The following SORCS3 variants were observed in gnomAD, a reference collection of about 807,000 sequenced individuals.
The protein encoded by SORCS3 is sortilin related VPS10 domain containing receptor 3, also known as VPS10 domain-containing receptor SorCS3.
Under a neutral mutation model 146.3 loss-of-function variants are expected in SORCS3, and 57 were observed. The observed-to-expected ratio is 0.39, with a 90% CI of 0.31 to 0.49. The LOEUF is 0.49. Among genes scored for constraint, SORCS3 ranks in the 20% least tolerant of loss-of-function variants. The pLI is 0.92. For missense variants in SORCS3, 1,341 were observed against 1,575.5 expected, an observed-to-expected ratio of 0.85 and a Z score of 2.52; for synonymous variants, 653 against 618.5, an observed-to-expected ratio of 1.06 and a Z score of -0.83.
chr10:105,118,014 A>G (rs2055905211), intron 7 of SORCS3, among the ~76,000 whole-genome samples: 1 of 151,974 alleles, frequency 6.6e-6, no homozygotes, highest in South Asian at 2.1e-4. Context: ...CACTCTTTAA[A>G]TATGGGTTTT....
chr10:104,920,913 G>T (rs2019080463), intron 3 of SORCS3, among the ~76,000 whole-genome samples: 1 of 152,216 alleles, frequency 6.6e-6, no homozygotes, highest in African/African-American at 2.4e-5. Flanking sequence ...TGTATACCCG[G>T]TTGTTTGCCT....
At chr10:104,929,304 C>A (rs759780300) in intron 3 of SORCS3, among the ~76,000 whole-genome samples, 4 of 152,184 alleles carry the variant, frequency 2.6e-5, no homozygotes, top group African/African-American at 9.7e-5. Context: ...TTAAATGAGC[C>A]TCTCTTCGGC....
At chr10:104,711,603 G>A (rs539316535) in intron 1 of SORCS3, among the ~76,000 whole-genome samples, 8 of 152,216 alleles carry the variant, frequency 5.3e-5, no homozygotes, top group Non-Finnish European at 1.0e-4. Flanking sequence ...TGGGAGTGCA[G>A]GGAGGACCAG....
At chr10:104,847,153 C>T (rs998837132) in intron 2 of SORCS3, among the ~76,000 whole-genome samples, 5 of 152,124 alleles carry the variant, frequency 3.3e-5, no homozygotes, top group Admixed American at 6.6e-5. Flanking sequence ...CTCGTGGATG[C>T]GCGTGTGTCT....
rs189522447 is a variant in SORCS3, at chr10:104,830,667, G to A, written c.628-12125G>A. On this transcript the variant is annotated intron_variant, in intron 1 of 26. Transcript: ENST00000369701. ...CAGGAGAGTTTTAGAAATGTAATTT[G>A]CAGAGCCCTGGTTACCTGCCATACA... Among the ~76,000 whole-genome samples the A allele has an allele frequency of 5.7e-3, 866 of 152,300 alleles. 12 individuals are homozygous for A. Among genetic ancestry groups the A allele is most frequent in the African/African-American group, 0.016 (653 of 41,582 alleles).
In SORCS3 at chr10:104,873,080, G is replaced by A. The variant is rs143485020; in HGVS notation, c.695+30221G>A. Among the ~76,000 whole-genome samples the A allele has an allele frequency of 3.0e-3, 452 of 152,298 alleles. 4 individuals are homozygous for A. The highest frequency in any genetic ancestry group is 0.01 in the African/African-American group (429 of 41,564). On this transcript the variant is annotated intron_variant, in intron 2 of 26. Coordinates refer to ENST00000369701, the MANE Select transcript of SORCS3 (RefSeq NM_014978.3). ...AAGGAAAGATCCAGGAAGAATCTTT[G>A]CCCTTTCTGCAGCAGAGAGCTGGTC...
chr10:105,171,247 C>G (rs1241905891), intron 13 of SORCS3, among the ~76,000 whole-genome samples: 1 of 152,206 alleles, frequency 6.6e-6, no homozygotes, highest in Non-Finnish European at 1.5e-5. Context: ...GAACGCAAAA[C>G]AGCATACAAA....
intron 1 of SORCS3, among the ~76,000 whole-genome samples, chr10:104,743,922 ATCTT>A (rs544864920): frequency 8.7e-4 from 133 of 152,232 alleles, no homozygotes; most frequent in Admixed American, 1.5e-3. Flanking sequence ...GCCTCCCTAA[ATCTT>A]CATTCATTAA....
intron 1 of SORCS3, among the ~76,000 whole-genome samples, chr10:104,689,842 G>C (rs768669796): frequency 2.0e-5 from 3 of 152,114 alleles, no homozygotes; most frequent in African/African-American, 7.2e-5. Flanking sequence ...ATTCCAGCTC[G>C]GGATTTTCTG....
intron 4 of SORCS3, among the ~76,000 whole-genome samples, chr10:105,000,192 A>G (rs1287880546): frequency 1.3e-5 from 2 of 152,178 alleles, no homozygotes; most frequent in Non-Finnish European, 2.9e-5. Context: ...ACAGAGTGGG[A>G]ATAGAAACTA....
intron 20 of SORCS3, among the ~76,000 whole-genome samples, chr10:105,238,383 C>T (rs566576002): frequency 6.6e-6 from 1 of 152,254 alleles, no homozygotes; most frequent in South Asian, 2.1e-4. Context: ...CTAAGTCAGG[C>T]AGGCTGGGGA....
At chr10:104,843,916 T>A (rs2018175198) in intron 2 of SORCS3, among the ~76,000 whole-genome samples, 1 of 152,162 alleles carries the variant, frequency 6.6e-6, no homozygotes, top group South Asian at 2.1e-4. Context: ...AAGCCATGCA[T>A]CTGGCTGCAT....
At chr10:104,851,953 C>T (rs892790066) in intron 2 of SORCS3, among the ~76,000 whole-genome samples, 4 of 152,280 alleles carry the variant, frequency 2.6e-5, no homozygotes, top group East Asian at 1.9e-4. Flanking sequence ...CCCTGTTACA[C>T]GTCTGTGAGA....
At chr10:104,816,564 T>A (rs1047380076) in intron 1 of SORCS3, among the ~76,000 whole-genome samples, 2 of 152,214 alleles carry the variant, frequency 1.3e-5, no homozygotes, top group Non-Finnish European at 2.9e-5. Context: ...CTATCAGAGG[T>A]ACACCCAAGT....
intron 7 of SORCS3, among the ~76,000 whole-genome samples, chr10:105,107,481 C>A (rs2055830629): frequency 6.6e-6 from 1 of 152,068 alleles, no homozygotes; most frequent in Non-Finnish European, 1.5e-5. Flanking sequence ...ATAAAGTTTG[C>A]TGTAACTCCG....
At chr10:104,829,134 A>G (rs1437014223) in intron 1 of SORCS3, among the ~76,000 whole-genome samples, 4 of 152,196 alleles carry the variant, frequency 2.6e-5, no homozygotes, top group South Asian at 2.1e-4. Context: ...CTGTTGATTA[A>G]TAGATGCCAT....
At chr10:104,835,850 C>T (rs75680098) in intron 1 of SORCS3, among the ~76,000 whole-genome samples, 7,797 of 152,268 alleles carry the variant, frequency 0.051, 625 homozygotes, top group African/African-American at 0.17. Flanking sequence ...CATGTTTGCA[C>T]AGTACAGCTT....
intron 1 of SORCS3, among the ~76,000 whole-genome samples, chr10:104,793,724 G>C (rs776674680): frequency 6.6e-6 from 1 of 152,204 alleles, no homozygotes; most frequent in Non-Finnish European, 1.5e-5. Context: ...TTAGCAAGCT[G>C]AAAGGAAGAA....
chr10:104,920,474 C>A (rs2019076214), intron 3 of SORCS3, among the ~76,000 whole-genome samples: 1 of 152,196 alleles, frequency 6.6e-6, no homozygotes, highest in Non-Finnish European at 1.5e-5. Context: ...AACTGAGCAG[C>A]TACTATCCTA....
Sources: allele counts gnomAD v4.1 joint callset (sites outside exome capture counted in the v4.1 genomes callset), GRCh38; gene constraint gnomAD v4.1.1; transcripts MANE v1.5; gene names NCBI Gene and HGNC (gene_info 2026-07-23, HGNC 2026-07-21).